The following DDHD2 variants were observed in gnomAD, a reference collection of about 807,000 sequenced individuals.
The protein encoded by DDHD2 is triacylglycerol hydrolase DDHD2.
A neutral mutation model predicts 91.2 loss-of-function variants in DDHD2; 62 were observed. That is an observed-to-expected ratio of 0.68 (90% confidence interval 0.55 to 0.84). The LOEUF is 0.84. Ranked by LOEUF, DDHD2 falls within the 40% of genes least tolerant of loss-of-function variation. The pLI, the probability that DDHD2 is intolerant of heterozygous loss-of-function variation, is 0.00. For synonymous variants in DDHD2, 271 were observed against 293.9 expected (o/e 0.92, Z 0.80); for missense variants, 740 against 846.9 (o/e 0.87, Z 1.57).
downstream of DDHD2, chr8:38,264,624 G>A (rs769634464): frequency 1.3e-6 from 2 of 1,572,214 alleles, no homozygotes; most frequent in South Asian, 1.2e-5. Context: ...GTGGAAACAA[G>A]GTCTTCTCTT....
At chr8:38,266,011 G>T, downstream of DDHD2, 1 of 771,848 alleles carries the variant, frequency 1.3e-6, no homozygotes, top group Non-Finnish European at 2.0e-6. Flanking sequence ...ACTTAGTACA[G>T]AACCCAGACC....
At chr8:38,245,574 T>G (rs541575273) in intron 7 of DDHD2, among the ~76,000 whole-genome samples, 168 bp from the exon 8 acceptor site, 13 of 152,358 alleles carry the variant, frequency 8.5e-5, no homozygotes, top group African/African-American at 3.1e-4. Context: ...GAATTTTGCT[T>G]ATCACATTCC....
Position 38,233,936 on chromosome 8 carries a change from A to G in DDHD2, c.221-458A>G, listed in dbSNP as rs558909150. 1.2e-3 allele frequency among the ~76,000 whole-genome samples: 184 copies of G among 151,934 alleles called. 1 individual carries two copies. The highest frequency in any genetic ancestry group is 3.1e-3 in the African/African-American group (129 of 41,484). On this transcript the variant is annotated intron_variant, in intron 2 of 17. Coordinates refer to ENST00000397166, the MANE Select transcript of DDHD2 (RefSeq NM_015214.3). Reference sequence around the variant, plus strand: ...AGAGTGAGACTTGTCTCAAAAAAAAAAAAAGAAAAGAAAAGAAAAAAGTAT... The same window carrying G: ...AGAGTGAGACTTGTCTCAAAAAAAAGAAAAGAAAAGAAAAGAAAAAAGTAT...
At chr8:38,266,960 AG>A, downstream of DDHD2, 1 of 1,020,090 alleles carries the variant, frequency 9.8e-7, no homozygotes, top group Non-Finnish European at 1.3e-6. Flanking sequence ...AATGCTTCAA[AG>A]TACCTGACAC....
chr8:38,245,322 T>C (rs1805539188), intron 7 of DDHD2, among the ~76,000 whole-genome samples: 1 of 151,862 alleles, frequency 6.6e-6, no homozygotes, highest in Non-Finnish European at 1.5e-5. Context: ...ATTCCAGCTA[T>C]TTGGGAGGCT....
chr8:38,268,607 C>T, intron 1 of DDHD2: 1 of 1,451,876 alleles, frequency 6.9e-7, no homozygotes. Flanking sequence ...GGCAGCGCCA[C>T]CAGTGAACAG....
rs1468069638 is a variant in DDHD2 at position 38,233,102 on chromosome 8, G to T, written c.108G>T (p.Leu36Phe). The T allele has an allele frequency of 9.3e-6, 15 of 1,614,024 alleles. No individual in the cohort carries two copies. Among genetic ancestry groups the T allele is most frequent in the African/African-American group, 1.3e-5 (1 of 74,918 alleles). Reference sequence around the variant, plus strand: ...TAATAGACATGGATGCTGGCAGCTTGTATGAACCAGTTTCTCCCCATTGGT... The same window carrying T: ...TAATAGACATGGATGCTGGCAGCTTTTATGAACCAGTTTCTCCCCATTGGT... ...FELIDMDAGS[L>F]YEPVSPHWFY... Residue 36 changes from leucine (L) to phenylalanine (F), a missense_variant, in exon 2 of 18, where the codon TTG (leucine) becomes TTT (phenylalanine). Transcript: ENST00000397166.
intron 1 of DDHD2, chr8:38,268,468 C>T (rs1319787031): frequency 1.3e-6 from 2 of 1,563,138 alleles, no homozygotes; most frequent in East Asian, 2.4e-5. Context: ...TAACCTGAAT[C>T]AGAATGTCAG....
downstream of DDHD2, chr8:38,266,218 C>T (rs1807560280): frequency 6.2e-7 from 1 of 1,613,866 alleles, no homozygotes; most frequent in African/African-American, 1.3e-5. Flanking sequence ...CAGAAAGGCA[C>T]AGAACCTCCA....
At chr8:38,244,575 G>GT (rs994985591) in intron 7 of DDHD2, among the ~76,000 whole-genome samples, 1 of 147,870 alleles carries the variant, frequency 6.8e-6, no homozygotes. Context: ...TTTTTTTGTT[G>GT]TTTTTTTTGA....
At chr8:38,251,818 A>T in intron 11 of DDHD2, 94 bp from the exon 12 acceptor site, 1 of 803,940 alleles carries the variant, frequency 1.2e-6, no homozygotes, top group Admixed American at 2.3e-5. Context: ...AAACAATCCT[A>T]CCTACCTACC....
chr8:38,235,156 A>T (rs1302053101), intron 3 of DDHD2, among the ~76,000 whole-genome samples: 6 of 152,146 alleles, frequency 3.9e-5, no homozygotes, highest in Non-Finnish European at 7.4e-5. Flanking sequence ...TCAGAATTGT[A>T]TGTTGGGAGA....
At position 38,268,698 on chromosome 8, in the gene DDHD2, G is replaced by A. The variant is rs1023748420; in HGVS notation, n.88-2424G>A. 3 of 1,431,786 alleles carry A rather than the reference G, an allele frequency of 2.1e-6. No homozygotes were observed. In the Admixed American group the frequency reaches 8.7e-5, roughly 41 times the overall value. The allele number at this position is 1,431,786 out of a possible 1,614,324, so 88.7% of individuals were successfully genotyped here. On this transcript the variant is annotated intron_variant and non_coding_transcript_variant, in intron 1 of 1. Transcript: ENST00000526071. ...GAAAACGTTGTCTCAGCCCAAAGAGGCTCGGACACCCTCCTCTCTCAATCA... is the reference window on the plus strand; with the variant it reads ...GAAAACGTTGTCTCAGCCCAAAGAGACTCGGACACCCTCCTCTCTCAATCA...
At chr8:38,249,925 CTT>C in intron 11 of DDHD2, 122 bp downstream of exon 11, 4 of 563,184 alleles carry the variant, frequency 7.1e-6, no homozygotes, top group South Asian at 2.3e-5. Flanking sequence ...ATCTTTGGCT[CTT>C]TTTTTTTGAG....
Position 38,234,428 on chromosome 8 carries a change from T to A in DDHD2, c.255T>A (p.Asp85Glu). The change falls in exon 3 of 18, where the codon GAT becomes GAA. Residue 85 changes from aspartate (D) to glutamate (E), a missense_variant. Around this residue, in one of 2 missense-constraint regions of DDHD2, gnomAD observed 693 missense variants for 764.2 expected, o/e 0.91. Transcript: ENST00000397166. Reference sequence around the variant, plus strand: ...GTAATGGGAGAGTTGTTCCTACTGATGGGGGCAGATATGATGTTCATTTGG... The same window carrying A: ...GTAATGGGAGAGTTGTTCCTACTGAAGGGGGCAGATATGATGTTCATTTGG... ...KGCNGRVVPT[D>E]GGRYDVHLGE... 1 of 1,602,718 alleles carries A rather than the reference T, an allele frequency of 6.2e-7. No individual in the cohort carries two copies. The highest frequency in any genetic ancestry group is 1.8e-5 in the Admixed American group (1 of 55,982).
chr8:38,257,660 GTAT>G (rs1352571650), intron 16 of DDHD2, among the ~76,000 whole-genome samples: 2 of 137,244 alleles, frequency 1.5e-5, no homozygotes, highest in African/African-American at 5.3e-5. Flanking sequence ...TCTTACCACA[GTAT>G]TTTTTTTTTT....
intron 5 of DDHD2, among the ~76,000 whole-genome samples, chr8:38,239,949 TCCTGA>T (rs1311204541): frequency 6.6e-6 from 1 of 151,642 alleles, no homozygotes; most frequent in Non-Finnish European, 1.5e-5. Flanking sequence ...GGTCTCGAAC[TCCTGA>T]CCTCATGATC....
intron 16 of DDHD2, among the ~76,000 whole-genome samples, chr8:38,259,238 G>GGAGTCA (rs1049001247): frequency 2.7e-5 from 4 of 147,494 alleles, no homozygotes; most frequent in African/African-American, 1.0e-4. Context: ...TTTTTGAAAT[G>GGAGTCA]GAGTCTCACT....
chr8:38,264,558 G>T, downstream of DDHD2: 2 of 1,584,928 alleles, frequency 1.3e-6, no homozygotes, highest in Non-Finnish European at 1.7e-6. Flanking sequence ...ACTGCCGATA[G>T]CAGACATAGG....
Sources: allele counts gnomAD v4.1 joint callset (sites outside exome capture counted in the v4.1 genomes callset), GRCh38; gene constraint gnomAD v4.1.1; regional missense constraint gnomAD v4.1.1; transcripts MANE v1.5; gene names NCBI Gene and HGNC (gene_info 2026-07-23, HGNC 2026-07-21).